DOCK2: variants seen among roughly 807,000 people sequenced by gnomAD.
DOCK2 encodes dedicator of cytokinesis protein 2.
A neutral mutation model predicts 248.9 loss-of-function variants in DOCK2; 87 were observed. The ratio of observed to expected loss-of-function variants is 0.35; its 90% confidence interval spans 0.29 to 0.42. The LOEUF is 0.42. Ranked by LOEUF, DOCK2 falls within the 10% of genes least tolerant of loss-of-function variation. DOCK2 has a pLI of 1.00. For synonymous variants in DOCK2, 805 were observed against 821.6 expected (o/e 0.98, Z 0.35); for missense variants, 1,747 against 2,300.2 (o/e 0.76, Z 4.92).
chr5:170,058,423 A>G (rs1757212417), intron 44 of DOCK2, among the ~76,000 whole-genome samples: 1 of 152,178 alleles, frequency 6.6e-6, no homozygotes, highest in South Asian at 2.1e-4. Context: ...ATGACAGGTG[A>G]TAACTGTGAT....
At chr5:169,969,852 G>C (rs1428139361) in intron 27 of DOCK2, among the ~76,000 whole-genome samples, 1 of 152,270 alleles carries the variant, frequency 6.6e-6, no homozygotes, top group Non-Finnish European at 1.5e-5. Context: ...CAGCTCCTTG[G>C]AAATATAGAC....
intron 32 of DOCK2, among the ~76,000 whole-genome samples, chr5:170,013,147 CAG>C (rs1755369745): frequency 6.6e-6 from 1 of 152,048 alleles, no homozygotes; most frequent in Admixed American, 6.5e-5. Flanking sequence ...GAAGGAAAGA[CAG>C]GGAAAGGGCA....
At chr5:169,684,995 C>T (rs567195420) in intron 8 of DOCK2, among the ~76,000 whole-genome samples, 2 of 152,316 alleles carry the variant, frequency 1.3e-5, no homozygotes, top group South Asian at 2.1e-4. Context: ...GCTCCAAATC[C>T]TCTGTAGCAG....
chr5:169,750,433 A>G (rs749346017), intron 23 of DOCK2, among the ~76,000 whole-genome samples: 3 of 152,244 alleles, frequency 2.0e-5, no homozygotes, highest in Non-Finnish European at 2.9e-5. Context: ...TAACTTCTCA[A>G]TGCCTCAGTT....
chr5:169,912,441 A>G (rs563175946), intron 27 of DOCK2, among the ~76,000 whole-genome samples: 1 of 152,190 alleles, frequency 6.6e-6, no homozygotes, highest in Non-Finnish European at 1.5e-5. Context: ...TTAGCCACAC[A>G]CAAATTCATC....
At chr5:169,708,148 A>G in intron 14 of DOCK2, 21 bp from the exon 15 acceptor site, 2 of 1,611,710 alleles carry the variant, frequency 1.2e-6, no homozygotes, top group Non-Finnish European at 1.7e-6. Flanking sequence ...CTTTTCCCTC[A>G]CTTTGTTTTT....
At chr5:169,724,476 T>C (rs1373254378) in intron 22 of DOCK2, among the ~76,000 whole-genome samples, 1 of 152,038 alleles carries the variant, frequency 6.6e-6, no homozygotes, top group Non-Finnish European at 1.5e-5. Context: ...AAAATTGCAC[T>C]CTGTGTCCTG....
intron 25 of DOCK2, among the ~76,000 whole-genome samples, chr5:169,781,283 C>T (rs752408): frequency 0.17 from 25,725 of 152,130 alleles, 3,707 homozygotes; most frequent in African/African-American, 0.4. Context: ...TTTTTTTTCT[C>T]ATCAAGGTTA....
chr5:170,069,830 C>A (rs541263438), intron 46 of DOCK2, among the ~76,000 whole-genome samples: 25 of 152,228 alleles, frequency 1.6e-4, no homozygotes, highest in African/African-American at 6.0e-4. Flanking sequence ...TCTTTGCATC[C>A]CTCTTCTTCC....
chr5:169,864,434 C>T lies in DOCK2; in HGVS notation c.2799+23582C>T. 1 of 1,546,494 alleles carries T rather than the reference C, an allele frequency of 6.5e-7. No individual in the cohort carries two copies. Among genetic ancestry groups the T allele is most frequent in the Non-Finnish European group, 8.7e-7 (1 of 1,144,688 alleles). ...TGCAAAACTTCATGGAACCTGCCTT[C>T]CTGCTGCCGAAAATCATACTCTACA... is the stretch of plus-strand genomic sequence containing the variant. On this transcript the variant is annotated intron_variant, in intron 27 of 51. Transcript: ENST00000520908.
intron 50 of DOCK2, chr5:170,080,732 T>G (rs1239789843): frequency 6.1e-6 from 1 of 164,044 alleles, no homozygotes; most frequent in South Asian, 1.7e-4. Context: ...GCTACCTATC[T>G]GCCACCGTCG....
chr5:169,985,909 A>G lies in DOCK2; in HGVS notation c.2980A>G (p.Met994Val), dbSNP rs1371692123. ...VYPGDWMAMSMVQNRVFLRAI... is the reference protein window; with the variant it reads ...VYPGDWMAMSVVQNRVFLRAI... ...CCCTGGAGACTGGATGGCCATGAGC[A>G]TGGTTCAAAACAGGTGAGCTGCTAC... Residue 994 changes from methionine to valine, a missense_variant, in exon 29 of 52, where the codon ATG becomes GTG. Met to Val is a conservative substitution (Grantham distance 21, BLOSUM62 1). Around this residue, in one of 4 missense-constraint regions of DOCK2, gnomAD observed 858 missense variants for 1,183.5 expected, o/e 0.72. Transcript: ENST00000520908. 1 of 1,610,344 alleles carries G rather than the reference A, an allele frequency of 6.2e-7. No individual in the cohort carries two copies. Among genetic ancestry groups the G allele is most frequent in the Non-Finnish European group, 8.5e-7 (1 of 1,177,798 alleles).
chr5:169,734,780 A>G (rs554960659), intron 22 of DOCK2, among the ~76,000 whole-genome samples: 1 of 152,318 alleles, frequency 6.6e-6, no homozygotes, highest in Admixed American at 6.5e-5. Context: ...AGAAGATGCA[A>G]CAAACTGGGA....
At chr5:169,714,646 C>T (rs776018338) in intron 19 of DOCK2, among the ~76,000 whole-genome samples, 189 bp downstream of exon 19, 107 of 152,228 alleles carry the variant, frequency 7.0e-4, no homozygotes, top group Non-Finnish European at 1.2e-3. Context: ...GGTTCAATGG[C>T]ACTGAATGTT....
chr5:169,703,456 CAT>C (rs1761090638), intron 14 of DOCK2, among the ~76,000 whole-genome samples: 1 of 152,200 alleles, frequency 6.6e-6, no homozygotes, highest in Non-Finnish European at 1.5e-5. Context: ...ATAATGTTAG[CAT>C]ATGTCAGAGA....
At chr5:169,841,356 A>C in intron 27 of DOCK2, 1 of 987,294 alleles carries the variant, frequency 1.0e-6, no homozygotes, top group African/African-American at 1.7e-5. Context: ...GAAGATCAGG[A>C]AATTTCTGCC....
intron 6 of DOCK2, among the ~76,000 whole-genome samples, chr5:169,681,056 G>C (rs1009484568): frequency 6.9e-6 from 1 of 145,426 alleles, no homozygotes; most frequent in African/African-American, 2.5e-5. Flanking sequence ...GGTCTGCTAT[G>C]TGGTATTCCA....
At chr5:169,802,780 A>G (rs1767077886) in intron 25 of DOCK2, among the ~76,000 whole-genome samples, 1 of 152,196 alleles carries the variant, frequency 6.6e-6, no homozygotes, top group South Asian at 2.1e-4. Context: ...TTCATATGGC[A>G]CATTTTTATA....
intron 27 of DOCK2, among the ~76,000 whole-genome samples, chr5:169,849,395 T>G (rs1467305093): frequency 6.6e-6 from 1 of 152,208 alleles, no homozygotes; most frequent in African/African-American, 2.4e-5. Flanking sequence ...TGCCCTTAAA[T>G]AGTGTATTGT....
Sources: gnomAD v4.1 joint callset for allele counts (sites outside exome capture counted in the v4.1 genomes callset) on GRCh38, gnomAD v4.1.1 for gene constraint, gnomAD v4.1.1 regional missense constraint, MANE v1.5 for transcripts, NCBI Gene and HGNC (gene_info 2026-07-23, HGNC 2026-07-21) for gene names.